Variants in NEMP2 observed in about 807,000 individuals in gnomAD.
NEMP2 encodes the protein UPF0571 transmembrane protein.
A neutral mutation model predicts 54.2 loss-of-function variants in NEMP2; 53 were observed. The observed-to-expected ratio is 0.98, with a 90% CI of 0.78 to 1.23. The LOEUF (loss-of-function observed/expected upper bound fraction) is 1.23. Ranked by LOEUF, NEMP2 falls within the 50% of genes most tolerant of loss-of-function variation. NEMP2 has a pLI of 0.00. For missense variants in NEMP2, 455 were observed against 511.3 expected, an observed-to-expected ratio of 0.89 and a Z score of 1.06; for synonymous variants, 197 against 190.3, an observed-to-expected ratio of 1.04 and a Z score of -0.29.
At chr2:190,647,311 G>C in the NEMP2 span, among the ~76,000 whole-genome samples, 1 of 151,332 alleles carries the variant, frequency 6.6e-6, no homozygotes, top group African/African-American at 2.4e-5. Flanking sequence ...ACATGATTTC[G>C]CAAAAAGAAA....
the NEMP2 span, among the ~76,000 whole-genome samples, chr2:190,600,087 AT>A: frequency 6.6e-6 from 1 of 152,160 alleles, no homozygotes; most frequent in South Asian, 2.1e-4. The surrounding 1 kb of genome is among the most constrained non-coding windows in gnomAD (Gnocchi z 4.9). Context: ...ACCTTAGAAA[AT>A]TAGTTTTCGA....
chr2:190,544,014 C>A, the NEMP2 span, among the ~76,000 whole-genome samples: 2 of 152,114 alleles, frequency 1.3e-5, no homozygotes, highest in Non-Finnish European at 2.9e-5. Flanking sequence ...AAGAAAATGG[C>A]AAAGTTCTAC....
At chr2:190,496,401 A>C in the NEMP2 span, among the ~76,000 whole-genome samples, 1 of 152,210 alleles carries the variant, frequency 6.6e-6, no homozygotes, top group Admixed American at 6.5e-5. The surrounding 1 kb of genome is among the most constrained non-coding windows in gnomAD (Gnocchi z 4.7). Flanking sequence ...AAGCTGTACA[A>C]ACACTATGGA....
chr2:190,499,050 G>A, the NEMP2 span, among the ~76,000 whole-genome samples: 2 of 152,150 alleles, frequency 1.3e-5, no homozygotes, highest in African/African-American at 2.4e-5. This position sits in a 1 kb window ranked among gnomAD's most constrained non-coding sequence, Gnocchi z 6.0. Flanking sequence ...ATGGAAGGCT[G>A]AGGCAGAGAA....
the NEMP2 span, among the ~76,000 whole-genome samples, chr2:190,464,090 T>C: frequency 6.6e-6 from 1 of 152,180 alleles, no homozygotes; most frequent in Non-Finnish European, 1.5e-5. Flanking sequence ...GGTTTGTTGC[T>C]GGTCTGTCTT....
the NEMP2 span, chr2:190,463,983 T>C: frequency 1.3e-6 from 1 of 762,834 alleles, no homozygotes; most frequent in Admixed American, 6.3e-5. This position sits in a 1 kb window ranked among gnomAD's most constrained non-coding sequence, Gnocchi z 4.4. Flanking sequence ...AACCAGCTCT[T>C]TTCATTAGGA....
chr2:190,437,454 C>G, the NEMP2 span: 284 of 1,614,210 alleles, frequency 1.8e-4, 7 homozygotes, highest in South Asian at 3.0e-3. This position sits in a 1 kb window ranked among gnomAD's most constrained non-coding sequence, Gnocchi z 5.9. Context: ...TGGAAGACCT[C>G]AATGGAACTA....
chr2:190,563,255 G>A, the NEMP2 span, among the ~76,000 whole-genome samples: 1 of 151,908 alleles, frequency 6.6e-6, no homozygotes, highest in Non-Finnish European at 1.5e-5. This position sits in a 1 kb window ranked among gnomAD's most constrained non-coding sequence, Gnocchi z 4.3. Flanking sequence ...CTGACTCAGC[G>A]GCCCAGCCTC....
chr2:190,511,553 A>ATTT (rs72470733), intron 7 of NEMP2, among the ~76,000 whole-genome samples: 7 of 133,686 alleles, frequency 5.2e-5, no homozygotes, highest in South Asian at 2.4e-4. Flanking sequence ...ATTAAATTTA[A>ATTT]TTTTTTTTTT....
At chr2:190,566,875 C>CTGGGTT in the NEMP2 span, among the ~76,000 whole-genome samples, 1 of 151,840 alleles carries the variant, frequency 6.6e-6, no homozygotes, top group South Asian at 2.1e-4. Context: ...AAAGTGAAAC[C>CTGGGTT]CATCACTCTA....
the NEMP2 span, among the ~76,000 whole-genome samples, chr2:190,429,626 A>AT: frequency 2.0e-5 from 3 of 152,094 alleles, no homozygotes; most frequent in Non-Finnish European, 4.4e-5. Flanking sequence ...GAAATTCTTA[A>AT]TTTTAATGTA....
chr2:190,511,789 C>G (rs1001559314), intron 7 of NEMP2, among the ~76,000 whole-genome samples: 1 of 151,228 alleles, frequency 6.6e-6, no homozygotes, highest in African/African-American at 2.4e-5. Flanking sequence ...CTCTTGACCT[C>G]ATGATCCATC....
chr2:190,559,378 T>G, the NEMP2 span, among the ~76,000 whole-genome samples: 2 of 152,090 alleles, frequency 1.3e-5, no homozygotes. This position sits in a 1 kb window ranked among gnomAD's most constrained non-coding sequence, Gnocchi z 4.0. Context: ...GAGAGAAAGA[T>G]GAAAGATTCA....
chr2:190,519,315 G>A lies in NEMP2; in HGVS notation c.214-132C>T. ...CTGCTCACTGCAACCTGTGCCTCCAGGGCTCAGGTGACCCTCCCACTTCAG... is the reference window on the plus strand; with the variant it reads ...CTGCTCACTGCAACCTGTGCCTCCAAGGCTCAGGTGACCCTCCCACTTCAG... On this transcript the variant is annotated intron_variant, in intron 2 of 8. Transcript: ENST00000409150. This position sits in a 1 kb window ranked among gnomAD's most constrained non-coding sequence, Gnocchi z 5.4. 1 of 635,688 alleles carries A rather than the reference G, an allele frequency of 1.6e-6. No individual in the cohort carries two copies. The highest frequency in any genetic ancestry group is 2.7e-6 in the Non-Finnish European group (1 of 372,930). 39.4% of individuals were successfully genotyped at this position (635,688 alleles called of 1,614,324 possible).
the NEMP2 span, among the ~76,000 whole-genome samples, chr2:190,472,121 A>C: frequency 3.3e-5 from 5 of 152,244 alleles, no homozygotes; most frequent in Non-Finnish European, 5.9e-5. Flanking sequence ...AAAGGTAGTT[A>C]AAACCACAAA....
the NEMP2 span, among the ~76,000 whole-genome samples, chr2:190,596,105 T>C: frequency 6.6e-6 from 1 of 152,150 alleles, no homozygotes. The surrounding 1 kb of genome is among the most constrained non-coding windows in gnomAD (Gnocchi z 5.1). Flanking sequence ...TGTAGGGACA[T>C]GAATGAAGCT....
the NEMP2 span, among the ~76,000 whole-genome samples, chr2:190,644,432 G>A: frequency 1.3e-5 from 2 of 152,174 alleles, no homozygotes; most frequent in Non-Finnish European, 1.5e-5. This position sits in a 1 kb window ranked among gnomAD's most constrained non-coding sequence, Gnocchi z 4.4. Flanking sequence ...GTTCAAAGGT[G>A]TGTCATATAT....
the NEMP2 span, among the ~76,000 whole-genome samples, chr2:190,550,840 A>G: frequency 2.0e-5 from 3 of 152,198 alleles, no homozygotes; most frequent in African/African-American, 7.2e-5. This position sits in a 1 kb window ranked among gnomAD's most constrained non-coding sequence, Gnocchi z 4.7. Flanking sequence ...AAAAAACAGT[A>G]TTCTCAAAGT....
At chr2:190,572,873 A>ATGTATG in the NEMP2 span, among the ~76,000 whole-genome samples, 54 of 110,324 alleles carry the variant, frequency 4.9e-4, no homozygotes, top group Admixed American at 1.0e-3. Flanking sequence ...ATATATATAT[A>ATGTATG]TATGTATATA....
Sources: gnomAD v4.1 joint callset for allele counts (sites outside exome capture counted in the v4.1 genomes callset) on GRCh38, gnomAD v4.1.1 for gene constraint, Gnocchi (gnomAD v3.1) non-coding constraint, MANE v1.5 for transcripts, NCBI Gene and HGNC (gene_info 2026-07-23, HGNC 2026-07-21) for gene names.